AGBL4: variants seen among roughly 807,000 people sequenced by gnomAD.
The protein encoded by AGBL4 is AGBL carboxypeptidase 4, also known as cytosolic carboxypeptidase 6.
A neutral mutation model predicts 66.4 loss-of-function variants in AGBL4; 58 were observed. That is an observed-to-expected ratio of 0.87 (90% CI 0.71 to 1.09). The LOEUF is 1.09. AGBL4 is among the 50% of genes least tolerant of loss of function. The probability of loss-of-function intolerance (pLI) is 0.00; values close to 1 mark genes in which losing one functional copy is unlikely to be tolerated. For synonymous variants in AGBL4, 234 were observed against 222.9 expected, an observed-to-expected ratio of 1.05 and a Z score of -0.44; for missense variants, 579 against 631.0, an observed-to-expected ratio of 0.92 and a Z score of 0.88.
chr1:49,539,906 G>A (rs1213651985), intron 3 of AGBL4, among the ~76,000 whole-genome samples: 1 of 152,162 alleles, frequency 6.6e-6, no homozygotes, highest in Non-Finnish European at 1.5e-5. Context: ...GTAAGAGCAA[G>A]TAAACCAGCC....
At chr1:48,757,909 T>G (rs551647569) in intron 6 of AGBL4, among the ~76,000 whole-genome samples, 1 of 152,314 alleles carries the variant, frequency 6.6e-6, no homozygotes, top group East Asian at 1.9e-4. Flanking sequence ...GGCAAAGAAC[T>G]TGTGTTATAC....
chr1:49,946,028 C>T (rs949785611), intron 1 of AGBL4, among the ~76,000 whole-genome samples: 3 of 152,068 alleles, frequency 2.0e-5, no homozygotes, highest in East Asian at 1.9e-4. Context: ...AATATATATG[C>T]ACCTAGCATT....
intron 1 of AGBL4, among the ~76,000 whole-genome samples, chr1:49,885,609 G>A (rs1482717206): frequency 1.3e-5 from 2 of 151,976 alleles, no homozygotes; most frequent in Admixed American, 6.6e-5. Flanking sequence ...TCAATTAGAG[G>A]ATGTTTCAAT....
At chr1:49,494,573 T>C (rs1216141318) in intron 3 of AGBL4, among the ~76,000 whole-genome samples, 3 of 151,900 alleles carry the variant, frequency 2.0e-5, no homozygotes, top group African/African-American at 4.8e-5. Context: ...TGATTTCCAA[T>C]TTCATCCATG....
intron 4 of AGBL4, among the ~76,000 whole-genome samples, chr1:49,087,101 C>G (rs915868576): frequency 1.5e-4 from 23 of 151,458 alleles, no homozygotes; most frequent in Non-Finnish European, 3.2e-4. Context: ...AGAACAGCAA[C>G]TTCAAATACT....
intron 4 of AGBL4, among the ~76,000 whole-genome samples, chr1:49,143,068 CT>C (rs1425710077): frequency 1.3e-5 from 2 of 152,282 alleles, no homozygotes; most frequent in African/African-American, 2.4e-5. Flanking sequence ...GTTGCTCCCC[CT>C]GAGACCTGCT....
At chr1:48,861,154 A>G (rs948037578) in intron 6 of AGBL4, among the ~76,000 whole-genome samples, 1 of 152,186 alleles carries the variant, frequency 6.6e-6, no homozygotes, top group Non-Finnish European at 1.5e-5. Flanking sequence ...TAGACTAGAC[A>G]TGGTCAAAAG....
chr1:49,697,284 A>G lies in AGBL4; in HGVS notation c.282+29T>C, dbSNP rs574034807. 6.6e-6 allele frequency: 10 copies of G among 1,524,808 alleles called. No homozygotes were observed. In the Admixed American group the frequency reaches 9.9e-5, roughly 15 times the overall value. 94.5% of individuals were successfully genotyped at this position (1,524,808 alleles called of 1,614,324 possible). A position where few individuals can be genotyped will look rare whatever the true frequency, so the allele number is the denominator to read the frequency against. On this transcript the variant is annotated intron_variant, in intron 3 of 13. Coordinates refer to ENST00000371839, the MANE Select transcript of AGBL4 (RefSeq NM_032785.4). Reference sequence around the variant, plus strand: ...AAAGCATATTATTCTTACCAAAACCACTCTGAAGGTATCCACTATTTCCCT... The same window carrying G: ...AAAGCATATTATTCTTACCAAAACCGCTCTGAAGGTATCCACTATTTCCCT...
intron 1 of AGBL4, among the ~76,000 whole-genome samples, chr1:49,856,575 A>G (rs1288558799): frequency 1.3e-5 from 2 of 152,148 alleles, no homozygotes; most frequent in Non-Finnish European, 2.9e-5. Context: ...GGTTCAACAT[A>G]CAAAAATCAA....
intron 6 of AGBL4, among the ~76,000 whole-genome samples, chr1:48,690,003 T>G (rs944786395): frequency 9.2e-5 from 14 of 152,244 alleles, no homozygotes; most frequent in African/African-American, 3.4e-4. Flanking sequence ...TTGCATGGGC[T>G]GCACTGTTAT....
chr1:48,670,783 G>C (rs1250846611), intron 6 of AGBL4, among the ~76,000 whole-genome samples: 2 of 152,238 alleles, frequency 1.3e-5, no homozygotes, highest in Non-Finnish European at 2.9e-5. Flanking sequence ...CCTCCAGAAA[G>C]GCAGAGCCAG....
intron 2 of AGBL4, among the ~76,000 whole-genome samples, chr1:49,708,185 ACAC>A (rs1264242370): frequency 6.6e-6 from 1 of 152,126 alleles, no homozygotes; most frequent in Non-Finnish European, 1.5e-5. Flanking sequence ...ATTTTCAGGT[ACAC>A]CAATCAAATG....
Position 49,107,346 on chromosome 1 carries a change from G to C in AGBL4, c.378-61546C>G, listed in dbSNP as rs1158346683. The stretch of plus-strand genomic sequence containing the variant: ...CTAAGTTATAATGTTTGGTAGGTTA[G>C]ATATATTAAATGTATTTTCAATGTA... On this transcript the variant is annotated intron_variant, in intron 4 of 13. Coordinates refer to ENST00000371839, the MANE Select transcript of AGBL4 (RefSeq NM_032785.4). Among the ~76,000 whole-genome samples, 13 of 152,222 alleles carry C rather than the reference G, an allele frequency of 8.5e-5. No homozygotes were observed. The South Asian group carries it at 2.5e-3, about 29-fold the overall frequency.
intron 4 of AGBL4, among the ~76,000 whole-genome samples, chr1:49,132,194 A>G (rs1645912289): frequency 2.0e-5 from 3 of 152,156 alleles, no homozygotes; most frequent in African/African-American, 4.8e-5. Flanking sequence ...TAACACGATC[A>G]AATTCCTGAA....
chr1:48,609,185 C>A (rs1278424253), intron 9 of AGBL4, among the ~76,000 whole-genome samples: 2 of 152,134 alleles, frequency 1.3e-5, no homozygotes, highest in Non-Finnish European at 2.9e-5. Flanking sequence ...AATCTCTTCT[C>A]ATTCAATCCA....
chr1:48,585,162 T>G (rs1320464099), intron 11 of AGBL4: 1 of 152,170 alleles, frequency 6.6e-6, no homozygotes, highest in Non-Finnish European at 1.5e-5. Context: ...AGGGTGGGCT[T>G]TCTACTAAGA....
intron 3 of AGBL4, among the ~76,000 whole-genome samples, chr1:49,411,172 C>T (rs1287671446): frequency 6.6e-6 from 1 of 152,154 alleles, no homozygotes; most frequent in Non-Finnish European, 1.5e-5. Context: ...GCCTGAGAGA[C>T]CCCAGCAAAT....
intron 6 of AGBL4, among the ~76,000 whole-genome samples, chr1:48,692,298 G>A (rs1019201587): frequency 2.0e-5 from 3 of 152,092 alleles, no homozygotes; most frequent in Non-Finnish European, 2.9e-5. Context: ...AGTTAATTAC[G>A]AGCTCTAAAG....
At chr1:48,560,880 T>C (rs1644386216) in intron 11 of AGBL4, among the ~76,000 whole-genome samples, 2 of 152,248 alleles carry the variant, frequency 1.3e-5, no homozygotes, top group South Asian at 4.1e-4. Flanking sequence ...AGAGGTGTTG[T>C]AACAACTCTA....
Sources: allele counts gnomAD v4.1 joint callset (sites outside exome capture counted in the v4.1 genomes callset), GRCh38; gene constraint gnomAD v4.1.1; transcripts MANE v1.5; gene names NCBI Gene and HGNC (gene_info 2026-07-23, HGNC 2026-07-21).